Variants in FAM228B observed in about 807,000 individuals in gnomAD.
FAM228B encodes protein FAM228B.
In FAM228B, 38 loss-of-function variants were observed where a neutral mutation model predicts 42.6. That is an observed-to-expected ratio of 0.89 (90% CI 0.69 to 1.17). The LOEUF is 1.17. FAM228B is among the 50% of genes most tolerant of loss of function. The pLI is 0.00. For missense variants in FAM228B, 344 were observed against 367.3 expected (o/e 0.94, Z 0.52); for synonymous variants, 109 against 122.3 (o/e 0.89, Z 0.72).
In FAM228B at chr2:24,083,206, A is replaced by G. The variant is rs1300610896; in HGVS notation, c.-210+2251A>G. 6.6e-6 allele frequency: 10 copies of G among 1,507,808 alleles called. No individual in the cohort carries two copies. The South Asian group carries it at 9.3e-5, about 14-fold the overall frequency. The allele number at this position is 1,507,808 out of a possible 1,614,324, so 93.4% of individuals were successfully genotyped here. On this transcript the variant is annotated intron_variant, in intron 2 of 10. Coordinates refer to the FAM228B transcript ENST00000613899. ...GAGCATGATCAGAAATCTGTATGTC[A>G]CTACCCCTGGCCCCCCTTCCAAGAT... is the stretch of plus-strand genomic sequence containing the variant.
chr2:24,144,257 T>C (rs1666836775), intron 5 of FAM228B, among the ~76,000 whole-genome samples: 1 of 151,818 alleles, frequency 6.6e-6, no homozygotes, highest in African/African-American at 2.4e-5. Flanking sequence ...CTGGGCAACA[T>C]AGGGAGACCT....
chr2:24,129,663 C>T (rs1219361453), intron 2 of FAM228B, among the ~76,000 whole-genome samples: 4 of 151,840 alleles, frequency 2.6e-5, no homozygotes, highest in East Asian at 1.9e-4. Context: ...CTGTATTTTC[C>T]ACTTGGTTTT....
upstream of FAM228B, chr2:24,121,049 G>C: frequency 7.3e-7 from 1 of 1,378,138 alleles, no homozygotes. Context: ...CAAGACAATG[G>C]CTCAAGACAT....
chr2:24,141,270 GTCT>G lies in FAM228B; in HGVS notation c.441+1822_441+1824del, dbSNP rs745787570. 4.6e-4 allele frequency among the ~76,000 whole-genome samples: 70 copies of G among 152,088 alleles called. 1 individual carries two copies. The highest frequency in any genetic ancestry group is 7.1e-4 in the Non-Finnish European group (48 of 67,990). On this transcript the variant is annotated intron_variant, in intron 5 of 10. Transcript: ENST00000615575. ...TTGTTTTATTTTGTTTTGAGACGGA[GTCT>G]TGCTCTGTCACCCAGGTTGGAGTGC...
chr2:24,106,099 T>G (rs544461337), intron 3 of FAM228B, among the ~76,000 whole-genome samples: 6 of 152,056 alleles, frequency 3.9e-5, no homozygotes, highest in African/African-American at 1.4e-4. Flanking sequence ...AACATTCAAA[T>G]CCAGGAAATG....
At chr2:24,121,766 G>A (rs933186455), upstream of FAM228B, among the ~76,000 whole-genome samples, 2 of 152,108 alleles carry the variant, frequency 1.3e-5, no homozygotes, top group African/African-American at 4.8e-5. Flanking sequence ...CTCTTAGAAA[G>A]AGCCTGGCAC....
intron 2 of FAM228B, among the ~76,000 whole-genome samples, chr2:24,134,194 T>G (rs1337277033): frequency 6.6e-6 from 1 of 152,186 alleles, no homozygotes; most frequent in East Asian, 1.9e-4. Flanking sequence ...CTCATTTCCT[T>G]GATTTATTAT....
chr2:24,166,054 A>AAAAAAAT (rs56146407), intron 9 of FAM228B: 14 of 81,048 alleles, frequency 1.7e-4, no homozygotes, highest in African/African-American at 5.2e-4. Flanking sequence ...AAAAAAAAAA[A>AAAAAAAT]ATATATATAT....
chr2:24,112,357 G>A (rs1182052777), intron 3 of FAM228B, among the ~76,000 whole-genome samples: 1 of 139,502 alleles, frequency 7.2e-6, no homozygotes, highest in Non-Finnish European at 1.5e-5. Flanking sequence ...GTAGAGTGCC[G>A]TGGCGCGATC....
chr2:24,102,840 A>C (rs778238736), intron 3 of FAM228B, among the ~76,000 whole-genome samples: 23 of 152,254 alleles, frequency 1.5e-4, no homozygotes, highest in Non-Finnish European at 2.4e-4. Flanking sequence ...TTATTGGCAA[A>C]AGCAGTCCTC....
upstream of FAM228B, among the ~76,000 whole-genome samples, chr2:24,118,882 T>A (rs1360553827): frequency 6.6e-6 from 1 of 152,210 alleles, no homozygotes; most frequent in Non-Finnish European, 1.5e-5. Flanking sequence ...GGCTTCTGTT[T>A]CAAAGGAGTG....
intron 2 of FAM228B, among the ~76,000 whole-genome samples, chr2:24,130,095 A>T (rs1254996762): frequency 2.6e-5 from 4 of 152,214 alleles, no homozygotes; most frequent in Non-Finnish European, 4.4e-5. Context: ...TAGTTTGCTG[A>T]GTATGATGGC....
chr2:24,163,622 G>C (rs558779985), intron 8 of FAM228B, among the ~76,000 whole-genome samples: 1 of 152,206 alleles, frequency 6.6e-6, no homozygotes, highest in African/African-American at 2.4e-5. Context: ...AGACCTGTTT[G>C]GGTAAGATTT....
intron 5 of FAM228B, 62 bp from the exon 6 acceptor site, chr2:24,146,686 G>A: frequency 8.6e-7 from 1 of 1,160,850 alleles, no homozygotes; most frequent in Non-Finnish European, 1.2e-6. Flanking sequence ...GCTTAGAATA[G>A]ACTGAAAATG....
chr2:24,088,141 G>A (rs930864101), intron 2 of FAM228B, among the ~76,000 whole-genome samples: 2 of 151,960 alleles, frequency 1.3e-5, no homozygotes. Context: ...GCCTCCAAAA[G>A]TGCTGGGATT....
intron 2 of FAM228B, chr2:24,083,163 A>C (rs1665092460): frequency 6.3e-7 from 1 of 1,594,020 alleles, no homozygotes; most frequent in South Asian, 1.1e-5. Flanking sequence ...CTGCAGAGAA[A>C]GAAGTGCACT....
chr2:24,090,066 G>A (rs893752212), intron 2 of FAM228B, among the ~76,000 whole-genome samples: 1 of 150,778 alleles, frequency 6.6e-6, no homozygotes, highest in South Asian at 2.1e-4. Context: ...GAGGTCAGGA[G>A]ATGGAGACCA....
At chr2:24,085,828 C>T (rs1558364518) in intron 2 of FAM228B, 2 of 152,290 alleles carry the variant, frequency 1.3e-5, no homozygotes, top group Admixed American at 1.3e-4. Flanking sequence ...TGTGCTTTAA[C>T]AAGTATCATT....
intron 7 of FAM228B, 130 bp from the exon 8 acceptor site, chr2:24,161,376 C>T: frequency 1.7e-6 from 1 of 601,678 alleles, no homozygotes; most frequent in Non-Finnish European, 2.9e-6. Context: ...CCCTTGAACC[C>T]AGGAGGTTGA....
Sources: allele counts gnomAD v4.1 joint callset (sites outside exome capture counted in the v4.1 genomes callset), GRCh38; gene constraint gnomAD v4.1.1; transcripts MANE v1.5; gene names NCBI Gene and HGNC (gene_info 2026-07-23, HGNC 2026-07-21).